The following BAZ2B variants were observed in gnomAD, a reference collection of about 807,000 sequenced individuals.
The protein encoded by BAZ2B is bromodomain adjacent to zinc finger domain 2B, also known as bromodomain adjacent to zinc finger domain protein 2B.
A neutral mutation model predicts 246.0 loss-of-function variants in BAZ2B; 91 were observed. The observed-to-expected ratio is 0.37, with a 90% CI of 0.31 to 0.44. BAZ2B has a LOEUF of 0.44. Among genes scored for constraint, BAZ2B ranks in the 20% least tolerant of loss-of-function variants. The probability of loss-of-function intolerance (pLI) is 1.00; values close to 1 mark genes in which losing one functional copy is unlikely to be tolerated. For missense variants in BAZ2B, 2,332 were observed against 2,533.7 expected (o/e 0.92, Z 1.71); for synonymous variants, 855 against 860.0 (o/e 0.99, Z 0.10).
chr2:159,571,933 A>T (rs1684121503), intron 1 of BAZ2B, among the ~76,000 whole-genome samples: 1 of 152,236 alleles, frequency 6.6e-6, no homozygotes, highest in Non-Finnish European at 1.5e-5. Flanking sequence ...GCCTAATCAC[A>T]TCTTCAAGGC....
chr2:159,391,669 A>G (rs752449661), intron 20 of BAZ2B, among the ~76,000 whole-genome samples: 5 of 152,202 alleles, frequency 3.3e-5, no homozygotes, highest in Non-Finnish European at 5.9e-5. Flanking sequence ...ACTGAATGCC[A>G]TAAGATAAAT....
intron 2 of BAZ2B, among the ~76,000 whole-genome samples, chr2:159,534,136 TTATAAAG>T (rs1293342231): frequency 2.6e-5 from 4 of 152,206 alleles, no homozygotes; most frequent in Non-Finnish European, 5.9e-5. Context: ...CATGGGGGAC[TTATAAAG>T]TGTGTTTCTG....
At chr2:159,659,664 A>C in the BAZ2B span, among the ~76,000 whole-genome samples, 3 of 152,300 alleles carry the variant, frequency 2.0e-5, no homozygotes, top group South Asian at 6.2e-4. Context: ...TTGTCCACTA[A>C]GTTCCCTGGC....
intron 3 of BAZ2B, among the ~76,000 whole-genome samples, chr2:159,471,349 C>A (rs1029875270): frequency 6.6e-6 from 1 of 152,132 alleles, no homozygotes; most frequent in Non-Finnish European, 1.5e-5. Flanking sequence ...CATCTGTAAT[C>A]CCAACACTTC....
In BAZ2B at chr2:159,335,378, C is replaced by T. The variant is rs144385128; in HGVS notation, c.5796+1564G>A. ...CCTGGCCAACATGGTGAAACACTGT[C>T]TTTACTGAAAATACAAAATTTAGCT... On this transcript the variant is annotated intron_variant, in intron 33 of 36. Coordinates refer to ENST00000392783, the MANE Select transcript of BAZ2B (RefSeq NM_013450.4). Among the ~76,000 whole-genome samples the T allele has an allele frequency of 7.9e-3, 1,207 of 151,970 alleles. 13 individuals carry two copies. Among genetic ancestry groups the T allele is most frequent in the Non-Finnish European group, 0.013 (868 of 67,954 alleles).
At chr2:159,518,401 G>GT in intron 2 of BAZ2B, among the ~76,000 whole-genome samples, 1 of 152,080 alleles carries the variant, frequency 6.6e-6, no homozygotes. Flanking sequence ...ATCCTCTGAG[G>GT]CATTCTTTAA....
intron 10 of BAZ2B, 36 bp from the exon 11 acceptor site, chr2:159,429,296 C>G: frequency 8.1e-7 from 1 of 1,229,998 alleles, no homozygotes; most frequent in Non-Finnish European, 1.1e-6. Flanking sequence ...ATAAAACATT[C>G]ATTAATATAA....
intron 1 of BAZ2B, among the ~76,000 whole-genome samples, chr2:159,593,401 T>C (rs1249655291): frequency 6.6e-6 from 1 of 152,212 alleles, no homozygotes. Context: ...AAAGATTATG[T>C]CCTATCTAGG....
Position 159,453,815 on chromosome 2 carries a change from A to G in BAZ2B, c.146-14T>C, listed in dbSNP as rs764529361. 5 of 1,568,640 alleles carry G rather than the reference A, an allele frequency of 3.2e-6. No homozygotes were observed. The highest frequency in any genetic ancestry group is 4.3e-6 in the Non-Finnish European group (5 of 1,155,262). On this transcript the variant is annotated splice_polypyrimidine_tract_variant and intron_variant, in intron 3 of 36. Coordinates refer to ENST00000392783, the MANE Select transcript of BAZ2B (RefSeq NM_013450.4). ...TGAATAAATGTCCTGGGAGGGAAAAAAACACACTTAAAGTTGTACTATAAA... is the reference window on the plus strand; with the variant it reads ...TGAATAAATGTCCTGGGAGGGAAAAGAACACACTTAAAGTTGTACTATAAA...
intron 1 of BAZ2B, among the ~76,000 whole-genome samples, chr2:159,565,240 A>G (rs2090263087): frequency 6.6e-6 from 1 of 152,190 alleles, no homozygotes; most frequent in Admixed American, 6.5e-5. Context: ...AAGAATGAAT[A>G]CAGTAAAAAG....
chr2:159,551,241 G>A (rs1190318402), intron 2 of BAZ2B, among the ~76,000 whole-genome samples: 2 of 152,122 alleles, frequency 1.3e-5, no homozygotes, highest in African/African-American at 2.4e-5. Context: ...AGGCCGAGGT[G>A]GGCGGATCAC....
At chr2:159,349,672 G>A in intron 28 of BAZ2B, 36 bp downstream of exon 28, 1 of 1,544,992 alleles carries the variant, frequency 6.5e-7, no homozygotes, top group Non-Finnish European at 8.8e-7. Flanking sequence ...ATTACATAAA[G>A]CAATATAAAA....
At chr2:159,582,411 C>T (rs563107402) in intron 1 of BAZ2B, among the ~76,000 whole-genome samples, 2 of 152,118 alleles carry the variant, frequency 1.3e-5, no homozygotes, top group Non-Finnish European at 2.9e-5. Context: ...TGGGTAAGTT[C>T]ACATACTTTT....
chr2:159,557,299 A>G (rs1434706560), intron 1 of BAZ2B, among the ~76,000 whole-genome samples: 11 of 146,764 alleles, frequency 7.5e-5, no homozygotes, highest in African/African-American at 2.8e-4. Context: ...TCAAGTACCT[A>G]CCTCTGTTCT....
At chr2:159,381,591 C>T (rs980625125) in intron 25 of BAZ2B, among the ~76,000 whole-genome samples, 1 of 152,174 alleles carries the variant, frequency 6.6e-6, no homozygotes, top group South Asian at 2.1e-4. Context: ...CCTCACAACT[C>T]ATCTAAACCA....
chr2:159,661,309 G>A, the BAZ2B span, among the ~76,000 whole-genome samples: 9 of 152,246 alleles, frequency 5.9e-5, no homozygotes, highest in African/African-American at 2.2e-4. Context: ...TCCATTGTAT[G>A]GATATACTAC....
rs531328005 is a variant in BAZ2B at position 159,354,598 on chromosome 2, G to A, written c.4214-4241C>T. Among the ~76,000 whole-genome samples, 12 of 152,240 alleles carry A rather than the reference G, an allele frequency of 7.9e-5. No homozygotes were observed. In the South Asian group the frequency reaches 2.5e-3, roughly 32 times the overall value. Reference sequence around the variant, plus strand: ...ACTCATGACCTCACGTGATCCGCATGCCTCAGCCTCCCAAAGTGCTGGGAT... The same window carrying A: ...ACTCATGACCTCACGTGATCCGCATACCTCAGCCTCCCAAAGTGCTGGGAT... On this transcript the variant is annotated intron_variant, in intron 27 of 36. Transcript: ENST00000392783.
In BAZ2B at chr2:159,519,907, A is replaced by G. The variant is rs892665012; in HGVS notation, c.-3+35916T>C. Among the ~76,000 whole-genome samples, 6 of 151,350 alleles carry G rather than the reference A, an allele frequency of 4.0e-5. No homozygotes were observed. The South Asian group carries it at 1.3e-3, about 32-fold the overall frequency. On this transcript the variant is annotated intron_variant, in intron 2 of 36. Coordinates refer to ENST00000392783, the MANE Select transcript of BAZ2B (RefSeq NM_013450.4). The stretch of plus-strand genomic sequence containing the variant: ...GCCCATTACAACAGCTGGGAGTCCA[A>G]TCTATGATGATGTTTAATCCTCCCC...
At chr2:159,687,223 T>C in the BAZ2B span, among the ~76,000 whole-genome samples, 1 of 152,168 alleles carries the variant, frequency 6.6e-6, no homozygotes, top group Non-Finnish European at 1.5e-5. Flanking sequence ...CTCTGGAAGC[T>C]TCTTGAGTAA....
Sources: allele counts gnomAD v4.1 joint callset (sites outside exome capture counted in the v4.1 genomes callset), GRCh38; gene constraint gnomAD v4.1.1; transcripts MANE v1.5; gene names NCBI Gene and HGNC (gene_info 2026-07-23, HGNC 2026-07-21).